The following RAI14 variants were observed in gnomAD, a reference collection of about 807,000 sequenced individuals.
The protein encoded by RAI14 is ankycorbin.
In RAI14, 45 loss-of-function variants were observed where a neutral mutation model predicts 115.4. That is an observed-to-expected ratio of 0.39 (90% CI 0.31 to 0.50). The LOEUF (loss-of-function observed/expected upper bound fraction) is 0.50, where lower values mean the gene tolerates loss of function less well. Ranked by LOEUF, RAI14 falls within the 20% of genes least tolerant of loss-of-function variation. The pLI is 0.85. For missense variants in RAI14, 939 were observed against 1,131.2 expected (o/e 0.83, Z 2.44); for synonymous variants, 371 against 415.4 (o/e 0.89, Z 1.30).
rs899656185 is a variant in RAI14 at position 34,731,964 on chromosome 5, A to G, written c.37-25504A>G. Reference sequence around the variant, plus strand: ...TCATCCCAGGAGCTCGGTGGAGTGGAGGGAGAGGTCAGGAAAGGGAATGCC... The same window carrying G: ...TCATCCCAGGAGCTCGGTGGAGTGGGGGGAGAGGTCAGGAAAGGGAATGCC... On this transcript the variant is annotated intron_variant, in intron 2 of 17. Coordinates refer to ENST00000265109, the MANE Select transcript of RAI14 (RefSeq NM_015577.3). 1.1e-3 allele frequency among the ~76,000 whole-genome samples: 165 copies of G among 152,170 alleles called. 3 individuals carry two copies. Among genetic ancestry groups the G allele is most frequent in the Middle Eastern group, 6.8e-3 (2 of 294 alleles).
chr5:34,739,258 T>A (rs1194231344), intron 2 of RAI14, among the ~76,000 whole-genome samples: 1 of 152,214 alleles, frequency 6.6e-6, no homozygotes, highest in African/African-American at 2.4e-5. Flanking sequence ...GCTACTCTTA[T>A]TATCTCGTGT....
At chr5:34,720,677 TG>T (rs1742596930) in intron 2 of RAI14, among the ~76,000 whole-genome samples, 1 of 152,062 alleles carries the variant, frequency 6.6e-6, no homozygotes, top group Non-Finnish European at 1.5e-5. Context: ...CCCAAAGTGC[TG>T]GGATTACAGG....
At chr5:34,801,747 A>AAG (rs397739911) in intron 4 of RAI14, among the ~76,000 whole-genome samples, 1 of 151,176 alleles carries the variant, frequency 6.6e-6, no homozygotes, top group Non-Finnish European at 1.5e-5. Flanking sequence ...AAAAAAAAAA[A>AAG]GGTATTTGGG....
chr5:34,798,003 A>G (rs1051463163), intron 4 of RAI14, among the ~76,000 whole-genome samples: 1 of 152,172 alleles, frequency 6.6e-6, no homozygotes, highest in African/African-American at 2.4e-5. Flanking sequence ...TTTTTATTGT[A>G]GGGAAAAATA....
chr5:34,749,346 G>A (rs1473989426), intron 2 of RAI14, among the ~76,000 whole-genome samples: 1 of 152,188 alleles, frequency 6.6e-6, no homozygotes, highest in South Asian at 2.1e-4. Context: ...GGCTTATTCT[G>A]TGCCACTGGA....
chr5:34,672,363 G>A (rs1743679857), intron 1 of RAI14, among the ~76,000 whole-genome samples: 1 of 152,204 alleles, frequency 6.6e-6, no homozygotes. Flanking sequence ...TGCAAGGTAT[G>A]TAGGTTTGTG....
At chr5:34,770,643 T>C (rs1750034232) in intron 3 of RAI14, among the ~76,000 whole-genome samples, 1 of 152,010 alleles carries the variant, frequency 6.6e-6, no homozygotes, top group East Asian at 1.9e-4. Context: ...GCTCTCCTGG[T>C]GGAAGGAACT....
chr5:34,685,435 C>A (rs1744759923), intron 1 of RAI14, among the ~76,000 whole-genome samples: 1 of 151,924 alleles, frequency 6.6e-6, no homozygotes, highest in Admixed American at 6.6e-5. Flanking sequence ...CAGAGTGATA[C>A]AATGGACTGT....
intron 12 of RAI14, among the ~76,000 whole-genome samples, chr5:34,816,246 T>G (rs1420706780): frequency 3.3e-5 from 5 of 152,204 alleles, no homozygotes; most frequent in Non-Finnish European, 7.3e-5. Flanking sequence ...TTTATAAATC[T>G]TAAATTGCTC....
intron 1 of RAI14, among the ~76,000 whole-genome samples, chr5:34,673,258 G>A (rs533620093): frequency 1.3e-5 from 2 of 152,290 alleles, no homozygotes; most frequent in African/African-American, 4.8e-5. Context: ...TTCAGTGACT[G>A]CACTGATGTT....
chr5:34,672,390 G>C lies in RAI14; in HGVS notation c.-48-14482G>C, dbSNP rs148749379. On this transcript the variant is annotated intron_variant, in intron 1 of 17. Transcript: ENST00000265109. ...AGGTTTGTGGATATGTGTGGGGTGT[G>C]GGGGGGGAGCATATTCAGTCTTTAC... 8.8e-3 allele frequency among the ~76,000 whole-genome samples: 1,339 copies of C among 151,510 alleles called. 22 individuals are homozygous for C. Among genetic ancestry groups the C allele is most frequent in the African/African-American group, 0.031 (1,291 of 41,414 alleles).
chr5:34,717,993 G>A (rs1326605187), intron 2 of RAI14, among the ~76,000 whole-genome samples: 2 of 151,102 alleles, frequency 1.3e-5, no homozygotes, highest in Non-Finnish European at 2.9e-5. Context: ...CATCCTAAAG[G>A]ACAGAGGCAA....
chr5:34,703,927 T>C (rs1397915220), intron 2 of RAI14, among the ~76,000 whole-genome samples: 1 of 152,204 alleles, frequency 6.6e-6, no homozygotes, highest in East Asian at 1.9e-4. Flanking sequence ...AGTACATCCA[T>C]CTTTGTTGTA....
chr5:34,724,896 T>C (rs1363483328), intron 2 of RAI14, among the ~76,000 whole-genome samples: 1 of 152,176 alleles, frequency 6.6e-6, no homozygotes, highest in Non-Finnish European at 1.5e-5. Context: ...CTCTGTTAAA[T>C]TGAAGTTGCT....
chr5:34,731,340 A>G, intron 2 of RAI14, among the ~76,000 whole-genome samples: 1 of 152,250 alleles, frequency 6.6e-6, no homozygotes, highest in East Asian at 1.9e-4. Context: ...TTCACCTAAA[A>G]TAAAGATACT....
chr5:34,794,567 T>A (rs10045171), intron 3 of RAI14, among the ~76,000 whole-genome samples: 20,772 of 152,246 alleles, frequency 0.14, 1,625 homozygotes, highest in African/African-American at 0.21. Flanking sequence ...ACAGAAATAG[T>A]TGCGTGAGTA....
intron 3 of RAI14, 129 bp downstream of exon 3, chr5:34,757,727 G>C: frequency 1.6e-6 from 2 of 1,227,506 alleles, no homozygotes; most frequent in South Asian, 1.8e-5. Flanking sequence ...TATGTAAGAA[G>C]ATATTTTAAT....
At chr5:34,758,176 C>G (rs991900637) in intron 3 of RAI14, among the ~76,000 whole-genome samples, 2 of 152,202 alleles carry the variant, frequency 1.3e-5, no homozygotes, top group African/African-American at 2.4e-5. Flanking sequence ...ATAGACATCT[C>G]ACAGGAACTC....
chr5:34,736,716 G>T (rs922048258), intron 2 of RAI14, among the ~76,000 whole-genome samples: 2 of 152,162 alleles, frequency 1.3e-5, no homozygotes, highest in African/African-American at 4.8e-5. Flanking sequence ...ATGTGGGTTT[G>T]AACAAATTGA....
Sources: allele counts gnomAD v4.1 joint callset (sites outside exome capture counted in the v4.1 genomes callset), GRCh38; gene constraint gnomAD v4.1.1; transcripts MANE v1.5; gene names NCBI Gene and HGNC (gene_info 2026-07-23, HGNC 2026-07-21).